The following PCDH19 variants were observed in gnomAD, a reference collection of about 807,000 sequenced individuals.
The protein encoded by PCDH19 is protocadherin 19.
In PCDH19, 6 loss-of-function variants were observed where a neutral mutation model predicts 46.2. That is an observed-to-expected ratio of 0.13 (90% CI 0.07 to 0.26). The LOEUF (loss-of-function observed/expected upper bound fraction) is 0.26, where lower values mean the gene tolerates loss of function less well. Ranked by LOEUF, PCDH19 falls within the 10% of genes least tolerant of loss-of-function variation. PCDH19 has a pLI of 1.00. For synonymous variants in PCDH19, 481 were observed against 415.7 expected (o/e 1.16, Z -1.91); for missense variants, 740 against 972.3 (o/e 0.76, Z 3.18).
chrX:100,406,312 C>T (rs1928344526), intron 1 of PCDH19, 139 bp downstream of exon 1: 1 of 517,914 alleles, frequency 1.9e-6, no homozygotes, highest in East Asian at 3.6e-5. Flanking sequence ...CTGTCACAAA[C>T]TTTTCACCCT....
At chrX:100,348,740 G>A (rs1296394966) in intron 4 of PCDH19, among the ~76,000 whole-genome samples, 1 of 110,598 alleles carries the variant, frequency 9.0e-6, no homozygotes, top group African/African-American at 3.3e-5. Context: ...AAGTCTCAAC[G>A]CTGCTGTGGA....
At chrX:100,375,689 G>A (rs1302313190) in intron 3 of PCDH19, among the ~76,000 whole-genome samples, 1 of 111,760 alleles carries the variant, frequency 8.9e-6, no homozygotes, top group African/African-American at 3.3e-5. Flanking sequence ...CACAGTGGTT[G>A]AACTAGTACA....
chrX:100,294,626 C>T lies in PCDH19; in HGVS notation c.*1651G>A, dbSNP rs1041422563. ...CCTCTAGGCCTTCTCTCTGTGTATT[C>T]CTGAATTTCAAAAAATGAAACAAAT... On this transcript the variant is annotated 3_prime_UTR_variant, in exon 6 of 6. Transcript: ENST00000373034. The T allele has an allele frequency of 9.0e-6, 1 of 111,545 alleles. No individual in the cohort carries two copies. Among genetic ancestry groups the T allele is most frequent in the Non-Finnish European group, 1.9e-5 (1 of 53,102 alleles). 9.2% of individuals were successfully genotyped at this position (111,545 alleles called of 1,213,427 possible).
intron 5 of PCDH19, among the ~76,000 whole-genome samples, chrX:100,329,758 A>C (rs1056182026): frequency 9.0e-6 from 1 of 110,510 alleles, no homozygotes; most frequent in African/African-American, 3.3e-5. Context: ...AAATACAAAA[A>C]AAAATTAGCC....
chrX:100,352,748 C>A (rs1459381281), intron 3 of PCDH19, among the ~76,000 whole-genome samples: 9 of 111,932 alleles, frequency 8.0e-5, no homozygotes. Context: ...AACCTTCCAC[C>A]ATGATTGTAA....
Position 100,408,634 on chromosome X carries a change from A to C in PCDH19, c.-37T>G. The C allele has an allele frequency of 9.4e-7, 1 of 1,062,896 alleles. No individual in the cohort carries two copies. The highest frequency in any genetic ancestry group is 1.3e-6 in the Non-Finnish European group (1 of 790,654). The allele number at this position is 1,062,896 out of a possible 1,213,427, so 87.6% of individuals were successfully genotyped here. On this transcript the variant is annotated 5_prime_UTR_variant, in exon 1 of 6. Coordinates refer to ENST00000373034, the MANE Select transcript of PCDH19 (RefSeq NM_001184880.2). ...GCTCTGCCTGGCCTCGCCTCTCCACACCCCTCCGAGACCGACGCCGTCGGC... is the reference window on the plus strand; with the variant it reads ...GCTCTGCCTGGCCTCGCCTCTCCACCCCCCTCCGAGACCGACGCCGTCGGC...
At chrX:100,301,075 G>A (rs1165700829) in intron 5 of PCDH19, among the ~76,000 whole-genome samples, 2 of 111,641 alleles carry the variant, frequency 1.8e-5, no homozygotes, top group African/African-American at 6.5e-5. Context: ...ACTTTATGCA[G>A]CAATTACTAC....
intron 3 of PCDH19, among the ~76,000 whole-genome samples, chrX:100,367,517 C>A (rs1278035987): frequency 8.9e-6 from 1 of 112,086 alleles, no homozygotes; most frequent in Non-Finnish European, 1.9e-5. Context: ...GAGCTGCTCT[C>A]TGCTTCCAAG....
chrX:100,349,449 A>G (rs1336966927), intron 4 of PCDH19, among the ~76,000 whole-genome samples: 1 of 111,776 alleles, frequency 8.9e-6, no homozygotes, highest in Non-Finnish European at 1.9e-5. Flanking sequence ...ATCATCACTT[A>G]AGGTCACAAG....
rs769230052 is a variant in PCDH19 at position 100,408,716 on chromosome X, G to A, written c.-119C>T. Reference sequence around the variant, plus strand: ...TTGCGCGCGCCCCGTGGCCCCGGAGGCCGCGGGAGAAGTCCCGCCCAGGGC... The same window carrying A: ...TTGCGCGCGCCCCGTGGCCCCGGAGACCGCGGGAGAAGTCCCGCCCAGGGC... On this transcript the variant is annotated 5_prime_UTR_variant, in exon 1 of 6. Transcript: ENST00000373034. 8,073 of 606,913 alleles carry A rather than the reference G, an allele frequency of 0.013. 63 individuals carry two copies. The highest frequency in any genetic ancestry group is 0.015 in the Non-Finnish European group (6,243 of 409,269). 50.0% of individuals were successfully genotyped at this position (606,913 alleles called of 1,213,427 possible).
rs1190935223 is a variant in PCDH19 at position 100,407,834 on chromosome X, G to A, written c.764C>T (p.Thr255Ile). The change falls in exon 1 of 6, where the codon ACA (threonine) becomes ATA (isoleucine). Residue 255 changes from threonine (T) to isoleucine (I), a missense_variant. This residue lies in a region of PCDH19 where 186 missense variants were observed against 319.9 expected (regional missense o/e 0.58). Transcript: ENST00000373034. Reference sequence around the variant, plus strand: ...GCTGGCGTTGAGGCGGATGACGGGTGTGTTGGGAGGCGAGTTTTCTGGCAC... The same window carrying A: ...GCTGGCGTTGAGGCGGATGACGGGTATGTTGGGAGGCGAGTTTTCTGGCAC... ...VSVPENSPPN[T>I]PVIRLNASDP... is the part of the protein sequence containing the mutation. 1.6e-6 allele frequency: 2 copies of A among 1,212,401 alleles called. No individual in the cohort carries two copies. The highest frequency in any genetic ancestry group is 1.7e-5 in the African/African-American group (1 of 58,004).
chrX:100,337,683 C>T (rs760650835), intron 5 of PCDH19, among the ~76,000 whole-genome samples: 41 of 111,797 alleles, frequency 3.7e-4, no homozygotes, highest in Non-Finnish European at 6.0e-4. Context: ...ACTGAGCTCA[C>T]GAATGTGTCT....
At position 100,406,708 on chromosome X, in the gene PCDH19, G is replaced by A. The variant is rs796052791; in HGVS notation, c.1890C>T (p.Phe630=). 5.8e-6 allele frequency: 7 copies of A among 1,210,019 alleles called. No individual in the cohort carries two copies. In the Middle Eastern group the frequency reaches 1.4e-3, roughly 238 times the overall value. Residue 630 remains phenylalanine, a synonymous_variant, in exon 1 of 6, where the codon TTC becomes TTT. Transcript: ENST00000373034. ...VNGEVRTTRT[F]GESSKSSYEL... is the part of the protein sequence containing the mutation. ...CATAGGAGGACTTGGAGCTCTCCCC[G>A]AAGGTGCGGGTGGTTCTGACTTCGC...
chrX:100,397,077 C>A (rs1170673683), intron 3 of PCDH19, among the ~76,000 whole-genome samples: 2 of 111,889 alleles, frequency 1.8e-5, no homozygotes, highest in African/African-American at 6.5e-5. Context: ...CCAGCCTTAT[C>A]ATACCTATTA....
At chrX:100,360,641 T>G (rs956028476) in intron 3 of PCDH19, among the ~76,000 whole-genome samples, 1 of 112,219 alleles carries the variant, frequency 8.9e-6, no homozygotes, top group Non-Finnish European at 1.9e-5. Flanking sequence ...TAAACATTTC[T>G]CAAACTCAGA....
In PCDH19 at chrX:100,296,411, G is replaced by C. The variant is rs765920527; in HGVS notation, c.3313C>G (p.Pro1105Ala). The C allele has an allele frequency of 8.3e-7, 1 of 1,210,966 alleles. No homozygotes were observed. Among genetic ancestry groups the C allele is most frequent in the South Asian group, 1.8e-5 (1 of 56,927 alleles). Residue 1105 changes from proline (P) to alanine (A), a missense_variant, in exon 6 of 6, where the codon CCT (proline) becomes GCT (alanine). Around this residue, in one of 5 missense-constraint regions of PCDH19, gnomAD observed 416 missense variants for 476.8 expected, o/e 0.87. Coordinates refer to ENST00000373034, the MANE Select transcript of PCDH19 (RefSeq NM_001184880.2). Reference sequence around the variant, plus strand: ...GGCTCAGCTTCAGAGGGACGAGTAGGGCCATTGTTGACATTGTTGACATAC... The same window carrying C: ...GGCTCAGCTTCAGAGGGACGAGTAGCGCCATTGTTGACATTGTTGACATAC... ...EQYVNNVNNG[P>A]TRPSEAEPRG...
At chrX:100,376,235 C>CAA (rs1171817638) in intron 3 of PCDH19, among the ~76,000 whole-genome samples, 3 of 32,893 alleles carry the variant, frequency 9.1e-5, no homozygotes, top group African/African-American at 1.1e-4. Flanking sequence ...AACTCCGTCT[C>CAA]AAAAAAAAAA....
intron 3 of PCDH19, among the ~76,000 whole-genome samples, chrX:100,351,019 T>A (rs887627289): frequency 8.9e-6 from 1 of 112,719 alleles, no homozygotes; most frequent in Admixed American, 9.3e-5. Flanking sequence ...TACTTCCCAT[T>A]CCCCAGTGGA....
chrX:100,336,546 T>C (rs927373469), intron 5 of PCDH19, among the ~76,000 whole-genome samples: 1 of 112,124 alleles, frequency 8.9e-6, no homozygotes, highest in Non-Finnish European at 1.9e-5. Flanking sequence ...GCTATTCAGG[T>C]GATGAAACTG....
Sources: allele counts gnomAD v4.1 joint callset (sites outside exome capture counted in the v4.1 genomes callset), GRCh38; gene constraint gnomAD v4.1.1; regional missense constraint gnomAD v4.1.1; transcripts MANE v1.5; gene names NCBI Gene and HGNC (gene_info 2026-07-23, HGNC 2026-07-21).